The following NEB variants were observed in gnomAD, a reference collection of about 807,000 sequenced individuals.
NEB encodes nemaline myopathy type 2.
Under a neutral mutation model 952.2 loss-of-function variants are expected in NEB, and 512 were observed. The ratio of observed to expected loss-of-function variants is 0.54; its 90% confidence interval spans 0.50 to 0.58. The LOEUF is 0.58. Ranked by LOEUF, NEB falls within the 20% of genes least tolerant of loss-of-function variation. NEB has a pLI of 0.00. For missense variants in NEB, 8,428 were observed against 9,231.1 expected (o/e 0.91, Z 3.56); for synonymous variants, 2,900 against 3,149.8 (o/e 0.92, Z 2.66).
Position 151,654,086 on chromosome 2 carries a change from A to T in NEB, c.6821T>A (p.Leu2274His), listed in dbSNP as rs1220756343. 2.5e-6 allele frequency: 4 copies of T among 1,598,666 alleles called. No individual in the cohort carries two copies. The highest frequency in any genetic ancestry group is 3.4e-6 in the Non-Finnish European group (4 of 1,172,256). ...QTLYSQKLYKLGWEEALKKGY... is the reference protein window; with the variant it reads ...QTLYSQKLYKHGWEEALKKGY... ...TTTCTTCAAAGCTTCTTCCCATCCAAGTTTATAGAGTTTCTGAAAATTAAA... is the reference window on the plus strand; with the variant it reads ...TTTCTTCAAAGCTTCTTCCCATCCATGTTTATAGAGTTTCTGAAAATTAAA... Residue 2274 changes from leucine (L) to histidine (H), a missense_variant, in exon 52 of 182, where the codon CTT becomes CAT. By Grantham distance (99) the Leu-to-His change is moderately conservative (BLOSUM62 -3). Coordinates refer to ENST00000397345, the MANE Select transcript of NEB (RefSeq NM_001164508.2).
At chr2:151,558,817 G>A (rs1220598471) in intron 124 of NEB, among the ~76,000 whole-genome samples, 2 of 152,000 alleles carry the variant, frequency 1.3e-5, no homozygotes, top group South Asian at 2.1e-4. Context: ...GACTAAAAAT[G>A]TACACATAAG....
chr2:151,581,674 T>C (rs565039008), intron 102 of NEB, 87 bp from the exon 103 acceptor site: 1 of 1,454,760 alleles, frequency 6.9e-7, no homozygotes, highest in Non-Finnish European at 9.3e-7. Context: ...TAAAACATAC[T>C]TGAATAAATG....
chr2:151,686,781 C>T (rs2099504391), intron 27 of NEB, among the ~76,000 whole-genome samples: 1 of 151,944 alleles, frequency 6.6e-6, no homozygotes, highest in South Asian at 2.1e-4. Context: ...CTATAATTTG[C>T]AGTAGTAGAT....
intron 12 of NEB, among the ~76,000 whole-genome samples, chr2:151,708,213 A>G (rs547779805): frequency 2.6e-5 from 4 of 152,176 alleles, no homozygotes; most frequent in Non-Finnish European, 5.9e-5. Flanking sequence ...TTTGTTTCGT[A>G]TCTTAAAAAG....
At chr2:151,519,935 T>C (rs937772464) in intron 153 of NEB, 167 bp from the exon 154 acceptor site, 2 of 499,260 alleles carry the variant, frequency 4.0e-6, no homozygotes. Context: ...TATTAATAAT[T>C]AAGAATGACA....
intron 153 of NEB, among the ~76,000 whole-genome samples, chr2:151,522,175 T>C (rs1288625666): frequency 6.6e-6 from 1 of 152,184 alleles, no homozygotes; most frequent in African/African-American, 2.4e-5. Flanking sequence ...AGGAGTTTAA[T>C]TGTATTTGAA....
At position 151,672,428 on chromosome 2, in the gene NEB, A is replaced by T. The variant is rs572285102; in HGVS notation, c.4240T>A (p.Tyr1414Asn). ...TCAAGACTCATGGCGTCAGGTAGGT[A>T]TGTGTAATGATGCAATGGCTGTTTG... ...NYKQPLHHYT[Y>N]LPDAMSLEHT... The change falls in exon 37 of 182, where the codon TAC becomes AAC. Residue 1414 changes from tyrosine (Y) to asparagine (N), a missense_variant. By Grantham distance (143) the Tyr-to-Asn change is moderately radical (BLOSUM62 -2). Transcript: ENST00000397345. The T allele has an allele frequency of 6.2e-7, 1 of 1,613,776 alleles. No individual in the cohort carries two copies. The highest frequency in any genetic ancestry group is 1.1e-5 in the South Asian group (1 of 91,066).
At chr2:151,620,642 T>G (rs1313128112) in intron 72 of NEB, among the ~76,000 whole-genome samples, 1 of 151,980 alleles carries the variant, frequency 6.6e-6, no homozygotes, top group Non-Finnish European at 1.5e-5. Context: ...TCCTGAGGTT[T>G]TGTGAGTAGC....
Position 151,717,420 on chromosome 2 carries a change from C to T in NEB, c.818G>A (p.Ser273Asn), listed in dbSNP as rs547078436. The T allele has an allele frequency of 1.2e-6, 2 of 1,606,368 alleles. No individual in the cohort carries two copies. The highest frequency in any genetic ancestry group is 2.2e-5 in the South Asian group (2 of 90,958). The change falls in exon 10 of 182, where the codon AGC becomes AAC. Residue 273 changes from serine (S) to asparagine (N), a missense_variant. Ser to Asn is a conservative substitution (Grantham distance 46, BLOSUM62 1). Transcript: ENST00000397345. ...GTCCCAGCTCTATTTACTTACCTTG[C>T]TCACTTGATTGGTTACTTTCTTGGC... ...EFAKKVTNQV[S>N]KQKYKEDYEN...
chr2:151,670,840 C>T (rs540766586), intron 38 of NEB, among the ~76,000 whole-genome samples, 183 bp downstream of exon 38: 4 of 152,326 alleles, frequency 2.6e-5, no homozygotes, highest in African/African-American at 9.6e-5. Flanking sequence ...TTTTCATCTC[C>T]CTGTTTTTCC....
At position 151,535,718 on chromosome 2, in the gene NEB, G is replaced by T; in HGVS notation, c.21285C>A (p.Phe7095Leu). The T allele has an allele frequency of 6.2e-7, 1 of 1,608,434 alleles. No homozygotes were observed. Among genetic ancestry groups the T allele is most frequent in the Non-Finnish European group, 8.5e-7 (1 of 1,176,808 alleles). ...CATTCATCAATTGAGTTGCATACTT[G>T]AAATGCCTATTGATCGGAGAGTCGG... ...YVADSPINRH[F>L]KYATQLMNER... Residue 7095 changes from phenylalanine to leucine, a missense_variant, in exon 142 of 182, where the codon TTC becomes TTA. Physicochemically the swap from Phe to Leu is conservative, Grantham distance 22. Transcript: ENST00000397345.
chr2:151,551,670 TCA>T, intron 129 of NEB, 66 bp downstream of exon 129: 1 of 1,252,448 alleles, frequency 8.0e-7, no homozygotes, highest in Non-Finnish European at 1.2e-6. Flanking sequence ...GGAAGCAAGC[TCA>T]GCTTGCTTCC....
At chr2:151,615,768 C>T (rs987397502) in intron 76 of NEB, 61 of 388,234 alleles carry the variant, frequency 1.6e-4, no homozygotes, top group Non-Finnish European at 2.4e-4. Context: ...TTTTGGTGTC[C>T]GTAAAACACT....
chr2:151,679,603 A>C, intron 32 of NEB, 118 bp downstream of exon 32: 1 of 663,932 alleles, frequency 1.5e-6, no homozygotes, highest in African/African-American at 1.8e-5. Context: ...AATAGTTTTC[A>C]ATCAGATTTG....
At position 151,492,189 on chromosome 2, in the gene NEB, C is replaced by A. The variant is rs1191965245; in HGVS notation, c.24966G>T (p.Gln8322His). Residue 8322 changes from glutamine (Q) to histidine (H), a missense_variant, in exon 178 of 182, where the codon CAG becomes CAT. Gln to His is a conservative substitution (Grantham distance 24). Around this residue, in one of 11 missense-constraint regions of NEB, gnomAD observed 3,374 missense variants for 3,651.5 expected, o/e 0.92. Coordinates refer to ENST00000397345, the MANE Select transcript of NEB (RefSeq NM_001164508.2). ...CTCGGTAGTTAATGTCACTGAAGTC[C>A]TGCATGTTCTTCTTTACTCGTTCAG... ...PITERVKKNM[Q>H]DFSDINYRGI... 6.2e-7 allele frequency: 1 copy of A among 1,613,902 alleles called. No homozygotes were observed. Among genetic ancestry groups the A allele is most frequent in the Non-Finnish European group, 8.5e-7 (1 of 1,179,832 alleles).
chr2:151,554,125 G>C (rs1232672561), intron 125 of NEB, 100 bp from the exon 126 acceptor site: 2 of 1,092,834 alleles, frequency 1.8e-6, no homozygotes, highest in African/African-American at 1.6e-5. Context: ...GCGAACAGTT[G>C]GGGGCAGGGC....
Position 151,541,475 on chromosome 2 carries a change from G to A in NEB, c.20654C>T (p.Ala6885Val), listed in dbSNP as rs202209668. ...SVPDTPDLLR[A>V]KRGQKLQSQY... ...ACTCTGAAGCTTCTGCCCTCGCTTG[G>A]CTCTTAAAAGATCAGGAGTATCAGG... The change falls in exon 136 of 182, where the codon GCC becomes GTC. Residue 6885 changes from alanine (A) to valine (V), a missense_variant. This residue lies in a region of NEB where 3,374 missense variants were observed against 3,651.5 expected (regional missense o/e 0.92). Coordinates refer to ENST00000397345, the MANE Select transcript of NEB (RefSeq NM_001164508.2). 1,588 of 1,612,980 alleles carry A rather than the reference G, an allele frequency of 9.8e-4. 4 individuals carry two copies. Among genetic ancestry groups the A allele is most frequent in the Non-Finnish European group, 1.3e-3 (1,496 of 1,179,392 alleles).
rs769569771 is a variant in NEB, at chr2:151,662,190, A to G, written c.5915T>C (p.Leu1972Pro). Residue 1972 changes from leucine (L) to proline (P), a missense_variant, in exon 46 of 182, where the codon CTC becomes CCC. By Grantham distance (98) the Leu-to-Pro change is moderately conservative. Transcript: ENST00000397345. ...QHPDTLKYST[L>P]MDSMNMVLAQ... The stretch of plus-strand genomic sequence containing the variant: ...CAAAACCATGTTCATCGAGTCCATG[A>G]GTGTGGAATACTTCAAAGTGTCTGG... 6.2e-7 allele frequency: 1 copy of G among 1,613,474 alleles called. No homozygotes were observed. The highest frequency in any genetic ancestry group is 8.5e-7 in the Non-Finnish European group (1 of 1,179,676).
intron 13 of NEB, among the ~76,000 whole-genome samples, chr2:151,699,705 G>T (rs2099631062): frequency 1.2e-5 from 1 of 86,344 alleles, no homozygotes; most frequent in Non-Finnish European, 2.2e-5. Flanking sequence ...CTTTTTGATG[G>T]GGTTGTTTGT....
Sources: allele counts gnomAD v4.1 joint callset (sites outside exome capture counted in the v4.1 genomes callset), GRCh38; gene constraint gnomAD v4.1.1; regional missense constraint gnomAD v4.1.1; transcripts MANE v1.5; gene names NCBI Gene and HGNC (gene_info 2026-07-23, HGNC 2026-07-21).